The following FILIP1 variants were observed in gnomAD, a reference collection of about 807,000 sequenced individuals.
The protein encoded by FILIP1 is filamin-A-interacting protein 1.
FILIP1 carries 61 observed loss-of-function variants against 102.1 expected under a neutral mutation model. The observed-to-expected ratio is 0.60, with a 90% CI of 0.49 to 0.74. The LOEUF is 0.74. Among genes scored for constraint, FILIP1 ranks in the 30% least tolerant of loss-of-function variants. The pLI is 0.00. For synonymous variants in FILIP1, 491 were observed against 526.9 expected, an observed-to-expected ratio of 0.93 and a Z score of 0.93; for missense variants, 1,314 against 1,441.2, an observed-to-expected ratio of 0.91 and a Z score of 1.43.
intron 1 of FILIP1, among the ~76,000 whole-genome samples, chr6:75,471,151 C>T (rs1265208156): frequency 9.7e-6 from 1 of 103,626 alleles, no homozygotes; most frequent in African/African-American, 3.9e-5. Context: ...CAGAGCAAGA[C>T]CTTGTCTCAA....
At chr6:75,323,167 A>G (rs566511482) in intron 4 of FILIP1, among the ~76,000 whole-genome samples, 17 of 152,342 alleles carry the variant, frequency 1.1e-4, no homozygotes, top group African/African-American at 4.1e-4. Context: ...ATTTAATTAA[A>G]TAATGGCAAT....
intron 2 of FILIP1, among the ~76,000 whole-genome samples, chr6:75,406,851 G>A (rs1323275067): frequency 6.6e-6 from 1 of 151,732 alleles, no homozygotes; most frequent in Non-Finnish European, 1.5e-5. Flanking sequence ...GTAGAGACAG[G>A]GTTTCACCAT....
chr6:75,343,112 A>G (rs562961848), intron 4 of FILIP1, among the ~76,000 whole-genome samples: 1 of 152,260 alleles, frequency 6.6e-6, no homozygotes, highest in East Asian at 1.9e-4. Context: ...TAGCCTTATA[A>G]GAGTTGGAAG....
At chr6:75,309,022 A>G in intron 5 of FILIP1, 125 bp from the exon 6 acceptor site, 1 of 970,312 alleles carries the variant, frequency 1.0e-6, no homozygotes, top group Non-Finnish European at 1.5e-6. Flanking sequence ...CCTTCCCCAG[A>G]TAAAATAATT....
At chr6:75,325,107 G>A (rs1389657054) in intron 4 of FILIP1, among the ~76,000 whole-genome samples, 1 of 152,144 alleles carries the variant, frequency 6.6e-6, no homozygotes, top group Non-Finnish European at 1.5e-5. Context: ...AAACTAAAAA[G>A]CTTCTGTACA....
rs1226374074 is a variant in FILIP1, at chr6:75,493,575, A to G, written c.-168T>C. 6 of 152,228 alleles carry G rather than the reference A, an allele frequency of 3.9e-5. No homozygotes were observed. The highest frequency in any genetic ancestry group is 1.2e-4 in the African/African-American group (5 of 41,450). 9.4% of individuals were successfully genotyped at this position (152,228 alleles called of 1,614,324 possible). On this transcript the variant is annotated 5_prime_UTR_variant, in exon 1 of 6. Coordinates refer to ENST00000237172, the MANE Select transcript of FILIP1 (RefSeq NM_015687.5). ...AAAAGCTTTTCCCACTTTCTTTCCC[A>G]GGACCAGCCAATAGCTGAAGTCATG...
At chr6:75,317,901 C>T (rs1353148548) in intron 4 of FILIP1, among the ~76,000 whole-genome samples, 1 of 152,146 alleles carries the variant, frequency 6.6e-6, no homozygotes, top group Non-Finnish European at 1.5e-5. Context: ...GGAAGGCCTG[C>T]CAATGCCTTC....
chr6:75,340,704 GT>G (rs201965376), intron 4 of FILIP1, among the ~76,000 whole-genome samples: 2 of 149,584 alleles, frequency 1.3e-5, no homozygotes, highest in South Asian at 2.1e-4. Context: ...TTTCGTTTTT[GT>G]TTTTTTTTGA....
chr6:75,362,026 A>T (rs1288276975), intron 3 of FILIP1: 1 of 152,264 alleles, frequency 6.6e-6, no homozygotes, highest in Non-Finnish European at 1.5e-5. Flanking sequence ...AAGTTGTTTC[A>T]GACTTTTAAT....
At chr6:75,310,504 A>C (rs1412338871) in intron 5 of FILIP1, among the ~76,000 whole-genome samples, 1 of 152,204 alleles carries the variant, frequency 6.6e-6, no homozygotes, top group East Asian at 1.9e-4. Context: ...ATTTTATGAG[A>C]TCTGATATAC....
chr6:75,448,299 T>C (rs1211358191), intron 1 of FILIP1, among the ~76,000 whole-genome samples: 1 of 152,202 alleles, frequency 6.6e-6, no homozygotes, highest in Non-Finnish European at 1.5e-5. Flanking sequence ...CAGCCTCTAC[T>C]AATAGGTGAG....
intron 2 of FILIP1, among the ~76,000 whole-genome samples, chr6:75,399,715 G>T (rs960423565): frequency 1.6e-4 from 24 of 152,132 alleles, no homozygotes; most frequent in African/African-American, 5.5e-4. Context: ...ACCTTTTAGG[G>T]TTACTGTGAT....
chr6:75,468,113 G>A (rs930608958), intron 1 of FILIP1, among the ~76,000 whole-genome samples: 2 of 152,140 alleles, frequency 1.3e-5, no homozygotes, highest in Non-Finnish European at 2.9e-5. Context: ...AGTCTGTGAC[G>A]CCAGGGGCAT....
intron 4 of FILIP1, among the ~76,000 whole-genome samples, chr6:75,345,293 TAGTG>T (rs1774539278): frequency 6.6e-6 from 1 of 152,042 alleles, no homozygotes; most frequent in Non-Finnish European, 1.5e-5. Context: ...CTTAGGCAGA[TAGTG>T]AGAGTATGGA....
intron 2 of FILIP1, among the ~76,000 whole-genome samples, chr6:75,383,756 G>A (rs1775981436): frequency 6.6e-6 from 1 of 152,134 alleles, no homozygotes; most frequent in African/African-American, 2.4e-5. Context: ...AACCTTATCA[G>A]ATAGACACTA....
At chr6:75,421,330 G>C (rs1202098444) in intron 1 of FILIP1, among the ~76,000 whole-genome samples, 1 of 152,164 alleles carries the variant, frequency 6.6e-6, no homozygotes, top group African/African-American at 2.4e-5. Context: ...GAAAGTAAAA[G>C]AGATGCAAAT....
At chr6:75,366,495 A>C (rs1178094644) in intron 2 of FILIP1, among the ~76,000 whole-genome samples, 6 of 152,228 alleles carry the variant, frequency 3.9e-5, no homozygotes, top group Admixed American at 3.9e-4. Flanking sequence ...AATCTCAGCT[A>C]AGTTGTTTGA....
intron 1 of FILIP1, among the ~76,000 whole-genome samples, chr6:75,433,895 C>G (rs1443047462): frequency 6.6e-6 from 1 of 152,154 alleles, no homozygotes; most frequent in Non-Finnish European, 1.5e-5. Flanking sequence ...ACAGTTTCAG[C>G]TTTCTACATA....
rs746843803 is a variant in FILIP1, at chr6:75,353,571, G to A, written c.597C>T (p.Asp199=). Residue 199 remains aspartate (D), a synonymous_variant, in exon 4 of 6, where the codon GAC becomes GAT. Coordinates refer to ENST00000237172, the MANE Select transcript of FILIP1 (RefSeq NM_015687.5). ...KHTDYMNKSD[D]FTNLLEQERE... ...GCTCCTGCTCCAGCAGGTTGGTGAA[G>A]TCGTCGCTCTTGTTCATGTAGTCAG... 1 of 1,614,202 alleles carries A rather than the reference G, an allele frequency of 6.2e-7. No individual in the cohort carries two copies. Among genetic ancestry groups the A allele is most frequent in the Admixed American group, 1.7e-5 (1 of 60,028 alleles).
Sources: allele counts gnomAD v4.1 joint callset (sites outside exome capture counted in the v4.1 genomes callset), GRCh38; gene constraint gnomAD v4.1.1; transcripts MANE v1.5; gene names NCBI Gene and HGNC (gene_info 2026-07-23, HGNC 2026-07-21).